CDCA2: variants seen among roughly 807,000 people sequenced by gnomAD.
CDCA2 encodes cell division cycle-associated protein 2.
CDCA2 carries 44 observed loss-of-function variants against 67.0 expected under a neutral mutation model. That is an observed-to-expected ratio of 0.66 (90% CI 0.52 to 0.84). CDCA2 has a LOEUF of 0.84. CDCA2 is among the 40% of genes least tolerant of loss of function. The probability of loss-of-function intolerance (pLI) is 0.00; values close to 1 mark genes in which losing one functional copy is unlikely to be tolerated. For missense variants in CDCA2, 1,253 were observed against 1,203.2 expected (o/e 1.04, Z -0.61); for synonymous variants, 447 against 418.7 (o/e 1.07, Z -0.82).
At position 25,466,158 on chromosome 8, in the gene CDCA2, AT is replaced by A; in HGVS notation, c.388-13del. ...GAATTGATTATAATACTCCTTGTAT[AT>A]TTTGCACTTTCACAGGGCAGCCCTG... On this transcript the variant is annotated splice_polypyrimidine_tract_variant and intron_variant, in intron 4 of 14. Transcript: ENST00000330560. 6.3e-7 allele frequency: 1 copy of A among 1,585,882 alleles called. No individual in the cohort carries two copies. Among genetic ancestry groups the A allele is most frequent in the Non-Finnish European group, 8.5e-7 (1 of 1,172,494 alleles).
At chr8:25,485,708 T>C in intron 10 of CDCA2, 51 bp from the exon 11 acceptor site, 1 of 1,037,498 alleles carries the variant, frequency 9.6e-7, no homozygotes, top group Non-Finnish European at 1.5e-6. Context: ...GGGCACATTA[T>C]GTATTCACTG....
chr8:25,468,448 T>C, intron 6 of CDCA2, 35 bp downstream of exon 6: 1 of 1,574,144 alleles, frequency 6.4e-7, no homozygotes, highest in Non-Finnish European at 8.7e-7. Flanking sequence ...GAAAATGAAG[T>C]TGTTGGTTTT....
At chr8:25,473,108 T>G (rs559647431) in intron 7 of CDCA2, among the ~76,000 whole-genome samples, 7 of 152,328 alleles carry the variant, frequency 4.6e-5, no homozygotes, top group Admixed American at 2.6e-4. Context: ...ATCATGTGGT[T>G]TTTGTCTTTT....
At chr8:25,461,471 G>A (rs1802685520) in intron 3 of CDCA2, among the ~76,000 whole-genome samples, 1 of 152,148 alleles carries the variant, frequency 6.6e-6, no homozygotes, top group Non-Finnish European at 1.5e-5. Flanking sequence ...ACTAGACCAG[G>A]TAATACATAA....
At chr8:25,475,360 A>T (rs536772962) in intron 7 of CDCA2, among the ~76,000 whole-genome samples, 4 of 152,230 alleles carry the variant, frequency 2.6e-5, no homozygotes, top group African/African-American at 9.6e-5. Context: ...CTCTACTAAA[A>T]ATACAAAAAT....
At chr8:25,489,009 T>A (rs1289908036) in intron 13 of CDCA2, among the ~76,000 whole-genome samples, 4 of 152,214 alleles carry the variant, frequency 2.6e-5, no homozygotes, top group Non-Finnish European at 4.4e-5. Flanking sequence ...CTGATTTTTT[T>A]AGGCAGGGAT....
intron 4 of CDCA2, among the ~76,000 whole-genome samples, chr8:25,464,514 C>T (rs1802822895): frequency 6.6e-6 from 1 of 152,146 alleles, no homozygotes; most frequent in African/African-American, 2.4e-5. Context: ...ATTCCTAAAA[C>T]AAAAACATCA....
intron 8 of CDCA2, 95 bp from the exon 9 acceptor site, chr8:25,483,304 T>C (rs1803639245): frequency 1.6e-6 from 1 of 644,698 alleles, no homozygotes; most frequent in South Asian, 2.8e-5. Context: ...AATATCTATC[T>C]GCAGTTGACA....
In CDCA2 at chr8:25,506,927, A is replaced by C. The variant is rs73550865; in HGVS notation, c.2261A>C (p.Lys754Thr). The change falls in exon 15 of 15, where the codon AAA becomes ACA. Residue 754 changes from lysine (K) to threonine (T), a missense_variant. Lys to Thr is a moderately conservative substitution (Grantham distance 78, BLOSUM62 -1). Coordinates refer to ENST00000330560, the MANE Select transcript of CDCA2 (RefSeq NM_152562.4). ...QNAENLCQFF[K>T]ISPDLNIKCE... ...GCAGAAAACCTTTGTCAGTTCTTTA[A>C]AATTTCACCAGATTTAAACATAAAG... The C allele has an allele frequency of 1.8e-3, 2,940 of 1,612,426 alleles. 43 individuals carry two copies. In the African/African-American group the frequency reaches 0.033, roughly 18 times the overall value.
chr8:25,484,743 G>T lies in CDCA2; in HGVS notation c.1365+533G>T, dbSNP rs73550831. Among the ~76,000 whole-genome samples, 469 of 151,870 alleles carry T rather than the reference G, an allele frequency of 3.1e-3. 1 individual carries two copies. The highest frequency in any genetic ancestry group is 0.011 in the African/African-American group (436 of 41,400). On this transcript the variant is annotated intron_variant, in intron 10 of 14. Coordinates refer to ENST00000330560, the MANE Select transcript of CDCA2 (RefSeq NM_152562.4). Reference sequence around the variant, plus strand: ...TAGCCTCCCGAGTAGCTGGGACATGGGCACACATCACCATGCCTGGCTAGT... The same window carrying T: ...TAGCCTCCCGAGTAGCTGGGACATGTGCACACATCACCATGCCTGGCTAGT...
rs1804543185 is a variant in CDCA2 at position 25,503,241 on chromosome 8, C to T, written c.1672-132C>T. ...GAAGTTGCAGTGAGCTGAGATTGTGCCACTGCACTCCAGCCTGGATGACAA... is the reference window on the plus strand; with the variant it reads ...GAAGTTGCAGTGAGCTGAGATTGTGTCACTGCACTCCAGCCTGGATGACAA... On this transcript the variant is annotated intron_variant, in intron 13 of 14. Transcript: ENST00000330560. 4.0e-5 allele frequency: 27 copies of T among 670,940 alleles called. No homozygotes were observed. In the South Asian group the frequency reaches 5.1e-4, roughly 13 times the overall value. The allele number at this position is 670,940 out of a possible 1,614,324, so 41.6% of individuals were successfully genotyped here.
intron 7 of CDCA2, among the ~76,000 whole-genome samples, chr8:25,473,057 T>A (rs141119341): frequency 2.4e-4 from 36 of 152,324 alleles, no homozygotes; most frequent in Middle Eastern, 3.4e-3. Flanking sequence ...AACTCTTTAC[T>A]TCAATAAATT....
intron 7 of CDCA2, among the ~76,000 whole-genome samples, chr8:25,470,274 TTTTA>T (rs1230700126): frequency 1.3e-5 from 2 of 152,206 alleles, no homozygotes; most frequent in African/African-American, 4.8e-5. Flanking sequence ...CTTGTAATAT[TTTTA>T]TTTGTTTTTA....
chr8:25,462,663 G>T (rs1370054425), intron 4 of CDCA2, among the ~76,000 whole-genome samples: 1 of 151,838 alleles, frequency 6.6e-6, no homozygotes, highest in Non-Finnish European at 1.5e-5. Flanking sequence ...TGATGATGTT[G>T]ACCATGGGTG....
chr8:25,491,231 A>G (rs893410329), intron 13 of CDCA2, among the ~76,000 whole-genome samples: 1 of 152,164 alleles, frequency 6.6e-6, no homozygotes, highest in African/African-American at 2.4e-5. Flanking sequence ...AGAAGGAGAA[A>G]ATAGAATGGG....
At chr8:25,472,749 A>T (rs1379812271) in intron 7 of CDCA2, among the ~76,000 whole-genome samples, 1 of 152,178 alleles carries the variant, frequency 6.6e-6, no homozygotes, top group Non-Finnish European at 1.5e-5. Context: ...ATAACTGTAT[A>T]TATTTATGGG....
intron 13 of CDCA2, 98 bp from the exon 14 acceptor site, chr8:25,503,275 C>A: frequency 2.3e-6 from 2 of 873,818 alleles, no homozygotes; most frequent in Non-Finnish European, 3.6e-6. Flanking sequence ...AAAGTGAGAC[C>A]CTGTCTCAAA....
chr8:25,507,107 A>G lies in CDCA2; in HGVS notation c.2441A>G (p.Lys814Arg). ...AGCCAGAGTGAGGATTTGGGAAGAAAACCCATGGAAAGTAGCAGTGTTGTG... is the reference window on the plus strand; with the variant it reads ...AGCCAGAGTGAGGATTTGGGAAGAAGACCCATGGAAAGTAGCAGTGTTGTG... The part of the protein sequence containing the change: ...SKSQSEDLGR[K>R]PMESSSVVSC... The change falls in exon 15 of 15, where the codon AAA becomes AGA. Residue 814 changes from lysine to arginine, a missense_variant. Physicochemically the swap from Lys to Arg is conservative, Grantham distance 26 (BLOSUM62 2). Transcript: ENST00000330560. The G allele has an allele frequency of 6.2e-7, 1 of 1,614,186 alleles. No individual in the cohort carries two copies.
intron 12 of CDCA2, among the ~76,000 whole-genome samples, chr8:25,487,692 G>A (rs1803836892): frequency 6.6e-6 from 1 of 152,058 alleles, no homozygotes; most frequent in Non-Finnish European, 1.5e-5. Context: ...GCCGGGAGCC[G>A]AGATGGCGCC....
Sources: gnomAD v4.1 joint callset for allele counts (sites outside exome capture counted in the v4.1 genomes callset) on GRCh38, gnomAD v4.1.1 for gene constraint, MANE v1.5 for transcripts, NCBI Gene and HGNC (gene_info 2026-07-23, HGNC 2026-07-21) for gene names.